The following OSBPL1A variants were observed in gnomAD, a reference collection of about 807,000 sequenced individuals.
OSBPL1A encodes oxysterol binding protein like 1A.
In OSBPL1A, 80 loss-of-function variants were observed where a neutral mutation model predicts 137.1. The observed-to-expected ratio is 0.58, with a 90% CI of 0.49 to 0.70. The LOEUF (loss-of-function observed/expected upper bound fraction) is 0.70. OSBPL1A is among the 30% of genes least tolerant of loss of function. The pLI, the probability that OSBPL1A is intolerant of heterozygous loss-of-function variation, is 0.00. For missense variants in OSBPL1A, 970 were observed against 1,129.4 expected (o/e 0.86, Z 2.02); for synonymous variants, 365 against 389.7 (o/e 0.94, Z 0.75).
At chr18:24,371,496 T>G (rs549352312) in intron 2 of OSBPL1A, among the ~76,000 whole-genome samples, 1 of 152,216 alleles carries the variant, frequency 6.6e-6, no homozygotes, top group East Asian at 1.9e-4. Flanking sequence ...CCGTTCTCTC[T>G]GGATCCTGGA....
At chr18:24,172,244 G>T in intron 22 of OSBPL1A, 132 bp downstream of exon 22, 1 of 694,714 alleles carries the variant, frequency 1.4e-6, no homozygotes, top group Non-Finnish European at 2.4e-6. Context: ...CAGATATATT[G>T]CATGATTCTT....
chr18:24,244,221 A>G (rs1243979281), intron 15 of OSBPL1A, among the ~76,000 whole-genome samples: 1 of 152,226 alleles, frequency 6.6e-6, no homozygotes, highest in Non-Finnish European at 1.5e-5. Flanking sequence ...TTCCAGGCAC[A>G]AGGCTTCACT....
At chr18:24,303,752 G>A (rs1284468861) in intron 13 of OSBPL1A, 34 bp from the exon 14 acceptor site, 1 of 1,543,070 alleles carries the variant, frequency 6.5e-7, no homozygotes, top group Non-Finnish European at 8.9e-7. Context: ...TTAAAACAAA[G>A]TAATAAAAGA....
intron 1 of OSBPL1A, among the ~76,000 whole-genome samples, chr18:24,385,555 T>C (rs901288332): frequency 2.7e-5 from 4 of 148,298 alleles, no homozygotes; most frequent in African/African-American, 7.5e-5. Flanking sequence ...CGACCAAGAG[T>C]GGAGAGGGGA....
intron 18 of OSBPL1A, among the ~76,000 whole-genome samples, chr18:24,185,432 G>A (rs2086721994): frequency 6.6e-6 from 1 of 150,774 alleles, no homozygotes; most frequent in Non-Finnish European, 1.5e-5. Context: ...CAATTCTCCT[G>A]CCTCAGCCTC....
At chr18:24,352,142 CA>C (rs992412797) in intron 4 of OSBPL1A, among the ~76,000 whole-genome samples, 3 of 151,928 alleles carry the variant, frequency 2.0e-5, no homozygotes, top group Non-Finnish European at 4.4e-5. Flanking sequence ...CTCGTCTCTA[CA>C]AAAAGCATAT....
chr18:24,165,130 T>C lies in OSBPL1A; in HGVS notation c.2685A>G (p.Arg895=), dbSNP rs1185593447. ...EIDQASEEKK[R]LEEKQRAARK... ...GGGCTGCTCTTTGTTTTTCCTCAAG[T>C]CGTTTTTTTTCTTCACTAGCTTGAT... Residue 895 remains arginine (R), a synonymous_variant, in exon 27 of 28, where the codon CGA becomes CGG. Transcript: ENST00000319481. 1.2e-6 allele frequency: 2 copies of C among 1,614,052 alleles called. No homozygotes were observed. Among genetic ancestry groups the C allele is most frequent in the African/African-American group, 2.7e-5 (2 of 74,918 alleles).
At chr18:24,201,526 G>A (rs2087219489) in intron 17 of OSBPL1A, among the ~76,000 whole-genome samples, 1 of 152,194 alleles carries the variant, frequency 6.6e-6, no homozygotes, top group South Asian at 2.1e-4. Flanking sequence ...ACTTTGGGAG[G>A]CCGAGGCAGA....
At chr18:24,208,588 TA>T (rs1190831551) in intron 17 of OSBPL1A, among the ~76,000 whole-genome samples, 1 of 152,222 alleles carries the variant, frequency 6.6e-6, no homozygotes, top group Non-Finnish European at 1.5e-5. Context: ...ACCAATTTCT[TA>T]AGAACATGTA....
intron 17 of OSBPL1A, among the ~76,000 whole-genome samples, chr18:24,220,442 A>G (rs1006225710): frequency 1.3e-5 from 2 of 152,140 alleles, no homozygotes; most frequent in Non-Finnish European, 2.9e-5. Context: ...ACTTTCCAGG[A>G]CAAGTACTCT....
intron 17 of OSBPL1A, among the ~76,000 whole-genome samples, chr18:24,214,944 G>A (rs578176936): frequency 2.0e-5 from 3 of 152,166 alleles, no homozygotes; most frequent in African/African-American, 7.2e-5. Flanking sequence ...TTTGTGCTTT[G>A]CTTTAGCTAC....
intron 14 of OSBPL1A, among the ~76,000 whole-genome samples, chr18:24,282,490 T>C (rs1230064504): frequency 6.6e-6 from 1 of 152,168 alleles, no homozygotes; most frequent in Non-Finnish European, 1.5e-5. Context: ...AAAGAAATGG[T>C]AGTATCAGTA....
chr18:24,187,004 T>A (rs2086766041), intron 18 of OSBPL1A, among the ~76,000 whole-genome samples: 1 of 147,994 alleles, frequency 6.8e-6, no homozygotes, highest in Admixed American at 6.8e-5. Context: ...CACCTTACAA[T>A]ACACACATTT....
intron 4 of OSBPL1A, among the ~76,000 whole-genome samples, chr18:24,354,934 C>G (rs2146176982): frequency 6.6e-6 from 1 of 152,164 alleles, no homozygotes; most frequent in East Asian, 1.9e-4. Context: ...AACTGTGCCC[C>G]CCTGGCTCCT....
chr18:24,315,796 A>G (rs1441199684), intron 11 of OSBPL1A, among the ~76,000 whole-genome samples: 1 of 75,106 alleles, frequency 1.3e-5, no homozygotes, highest in Non-Finnish European at 2.5e-5. Context: ...AATATAATAT[A>G]TAGTATATAT....
At position 24,238,992 on chromosome 18, in the gene OSBPL1A, C is replaced by T. The variant is rs140676166; in HGVS notation, c.1444+228G>A. On this transcript the variant is annotated intron_variant, in intron 16 of 27. Coordinates refer to ENST00000319481, the MANE Select transcript of OSBPL1A (RefSeq NM_080597.4). ...TCTAACCTAGCCTAGAATACATCTT[C>T]AGTATAGGCAGAGACTGTGATGAAT... Among the ~76,000 whole-genome samples, 7 of 152,318 alleles carry T rather than the reference C, an allele frequency of 4.6e-5. No individual in the cohort carries two copies. The East Asian group carries it at 1.2e-3, about 25-fold the overall frequency.
intron 16 of OSBPL1A, among the ~76,000 whole-genome samples, chr18:24,234,127 A>G (rs1232136081): frequency 6.6e-6 from 1 of 152,238 alleles, no homozygotes; most frequent in Non-Finnish European, 1.5e-5. Context: ...GATAGGGTAG[A>G]AATATATATG....
At chr18:24,389,111 C>T (rs1014906950) in intron 1 of OSBPL1A, among the ~76,000 whole-genome samples, 1 of 152,132 alleles carries the variant, frequency 6.6e-6, no homozygotes, top group Non-Finnish European at 1.5e-5. Context: ...TAAGCATTCC[C>T]AAATGCAGCT....
intron 4 of OSBPL1A, chr18:24,358,497 TC>T (rs1294767723): frequency 1.4e-6 from 1 of 702,222 alleles, no homozygotes; most frequent in Non-Finnish European, 2.6e-6. Context: ...CATCTCAGCT[TC>T]CCTGAGAACA....
Sources: gnomAD v4.1 joint callset for allele counts (sites outside exome capture counted in the v4.1 genomes callset) on GRCh38, gnomAD v4.1.1 for gene constraint, MANE v1.5 for transcripts, NCBI Gene and HGNC (gene_info 2026-07-23, HGNC 2026-07-21) for gene names.